Variants in UNC79 observed in about 807,000 individuals in gnomAD.
The protein encoded by UNC79 is unc-79 subunit of NALCN channel complex, also known as protein unc-79 homolog.
UNC79 carries 37 observed loss-of-function variants against 283.1 expected under a neutral mutation model. The ratio of observed to expected loss-of-function variants is 0.13; its 90% CI spans 0.10 to 0.17. UNC79 has a LOEUF of 0.17. Among genes scored for constraint, UNC79 ranks in the 10% least tolerant of loss-of-function variants. The probability of loss-of-function intolerance (pLI) is 1.00; values close to 1 mark genes in which losing one functional copy is unlikely to be tolerated. For synonymous variants in UNC79, 1,107 were observed against 1,200.2 expected, an observed-to-expected ratio of 0.92 and a Z score of 1.61; for missense variants, 2,272 against 3,211.1, an observed-to-expected ratio of 0.71 and a Z score of 7.07.
intron 14 of UNC79, among the ~76,000 whole-genome samples, chr14:93,568,657 G>T (rs1379169836): frequency 6.6e-6 from 1 of 151,774 alleles, no homozygotes; most frequent in Non-Finnish European, 1.5e-5. Flanking sequence ...GGTAACAGGA[G>T]CGAAACTCCG....
At chr14:93,548,976 A>G (rs2061738348) in intron 14 of UNC79, among the ~76,000 whole-genome samples, 3 of 152,210 alleles carry the variant, frequency 2.0e-5, no homozygotes, top group Non-Finnish European at 2.9e-5. Context: ...CAATCTCACA[A>G]TTTCTAGATG....
At chr14:93,468,385 CAG>C (rs902125392) in intron 2 of UNC79, among the ~76,000 whole-genome samples, 2 of 152,114 alleles carry the variant, frequency 1.3e-5, no homozygotes, top group African/African-American at 4.8e-5. Flanking sequence ...ATTAAGAAAA[CAG>C]AGCAAAGAAA....
At chr14:93,438,449 TGTCTA>T (rs2056173397) in intron 1 of UNC79, among the ~76,000 whole-genome samples, 1 of 152,180 alleles carries the variant, frequency 6.6e-6, no homozygotes, top group South Asian at 2.1e-4. Flanking sequence ...TTTGATGCCC[TGTCTA>T]GATCTCTAAA....
At chr14:93,633,438 T>C (rs754655) in intron 31 of UNC79, among the ~76,000 whole-genome samples, 103,515 of 152,130 alleles carry the variant, frequency 0.68, 35,456 homozygotes, top group African/African-American at 0.72. Flanking sequence ...GGTGCCATGA[T>C]TGTGAAATGT....
At chr14:93,648,775 G>A (rs905150280) in intron 35 of UNC79, among the ~76,000 whole-genome samples, 1 of 152,196 alleles carries the variant, frequency 6.6e-6, no homozygotes, top group African/African-American at 2.4e-5. Context: ...TATGGAAAGA[G>A]CATGGTAAAA....
intron 27 of UNC79, among the ~76,000 whole-genome samples, chr14:93,615,274 G>A (rs1224021298): frequency 2.0e-5 from 3 of 152,154 alleles, no homozygotes; most frequent in Non-Finnish European, 4.4e-5. Context: ...GATGAGCAAC[G>A]TGAGAGCAAT....
intron 46 of UNC79, 85 bp from the exon 50 acceptor site, chr14:93,694,250 A>G (rs1045116624): frequency 2.0e-5 from 25 of 1,250,004 alleles, no homozygotes; most frequent in Non-Finnish European, 2.2e-5. Flanking sequence ...TGGGCACAGG[A>G]CATCGGTCTT....
At chr14:93,380,803 A>G (rs910690844) in intron 1 of UNC79, among the ~76,000 whole-genome samples, 2 of 147,488 alleles carry the variant, frequency 1.4e-5, no homozygotes, top group African/African-American at 2.7e-5. Flanking sequence ...TGACTCTTAT[A>G]CTCATGTTTT....
chr14:93,443,324 T>G, intron 1 of UNC79, among the ~76,000 whole-genome samples: 1 of 152,132 alleles, frequency 6.6e-6, no homozygotes, highest in Admixed American at 6.5e-5. Flanking sequence ...CAACTCCCAG[T>G]TCCAGGAAGA....
intron 17 of UNC79, among the ~76,000 whole-genome samples, chr14:93,575,606 T>C (rs1005881553): frequency 2.0e-5 from 3 of 152,194 alleles, no homozygotes; most frequent in African/African-American, 7.2e-5. Context: ...TATGATCAAC[T>C]ACTGGTGACT....
At chr14:93,365,337 A>G (rs1157842678) in intron 1 of UNC79, among the ~76,000 whole-genome samples, 2 of 135,980 alleles carry the variant, frequency 1.5e-5, no homozygotes, top group Non-Finnish European at 3.1e-5. Context: ...GTGAGCCGAG[A>G]TTGTGCCACT....
rs527705667 is a variant in UNC79 at position 93,674,946 on chromosome 14, C to T, written c.6741+1491C>T. On this transcript the variant is annotated intron_variant, in intron 41 of 48. Transcript: ENST00000555664. ...CTTGACAGGCCCTTTCCATCCCTTA[C>T]GTGGATTACTGTAACAGCTCTTAGC... 2.0e-3 allele frequency among the ~76,000 whole-genome samples: 312 copies of T among 152,302 alleles called. 4 individuals carry two copies. The highest frequency in any genetic ancestry group is 7.2e-3 in the African/African-American group (299 of 41,556).
In UNC79 at chr14:93,542,656, T is replaced by C; in HGVS notation, c.1715T>C (p.Met572Thr). Residue 572 changes from methionine (M) to threonine (T), a missense_variant, in exon 14 of 49, where the codon ATG becomes ACG. By Grantham distance (81) the Met-to-Thr change is moderately conservative (BLOSUM62 -1). This residue lies in a region of UNC79 where 142 missense variants were observed against 230.7 expected (regional missense o/e 0.62). Transcript: ENST00000555664. ...GTATGTGATGTTCGCTTCGATGTCA[T>C]GGTCATGTGCCTTCTTCCTAAACCC... 2 of 1,614,240 alleles carry C rather than the reference T, an allele frequency of 1.2e-6. No homozygotes were observed. The highest frequency in any genetic ancestry group is 4.5e-5 in the East Asian group (2 of 44,890).
chr14:93,441,327 T>G (rs1429627475), intron 1 of UNC79, among the ~76,000 whole-genome samples: 1 of 152,064 alleles, frequency 6.6e-6, no homozygotes, highest in Non-Finnish European at 1.5e-5. Context: ...TCTCTTTGTT[T>G]TAGATGTGTC....
Position 93,634,519 on chromosome 14 carries a change from A to G in UNC79, c.5717-2697A>G. The G allele has an allele frequency of 6.2e-7, 1 of 1,608,322 alleles. No homozygotes were observed. ...AATCATCTCCTAATTTCCTCCATCT[A>G]GCTCAGTATAGGCAGATGAAAAGGG... On this transcript the variant is annotated intron_variant, in intron 31 of 48. Transcript: ENST00000555664.
rs200034538 is a variant in UNC79 at position 93,529,637 on chromosome 14, TA to T, written c.1093+313del. ...TATCTGTAACAGGTGTTGTCAGTGA[TA>T]AGTTGCTGCACCAGGTCTTACTAAG... On this transcript the variant is annotated intron_variant, in intron 10 of 48. Transcript: ENST00000555664. Among the ~76,000 whole-genome samples the T allele has an allele frequency of 3.0e-3, 450 of 152,286 alleles. 1 individual carries two copies. Among genetic ancestry groups the T allele is most frequent in the African/African-American group, 0.01 (427 of 41,566 alleles).
At chr14:93,479,915 G>T (rs569149040) in intron 4 of UNC79, among the ~76,000 whole-genome samples, 54 of 152,154 alleles carry the variant, frequency 3.5e-4, no homozygotes, top group Non-Finnish European at 6.8e-4. Context: ...GGCGATGGTG[G>T]GATTAATGAG....
chr14:93,574,231 C>T (rs368081063), intron 16 of UNC79, among the ~76,000 whole-genome samples: 18 of 152,278 alleles, frequency 1.2e-4, no homozygotes, highest in African/African-American at 3.4e-4. Flanking sequence ...AACATTTACA[C>T]GTTTTATGAA....
At position 93,467,655 on chromosome 14, in the gene UNC79, T is replaced by TATAAAG; in HGVS notation, c.23-16_23-15insATAAAG. On this transcript the variant is annotated splice_polypyrimidine_tract_variant and intron_variant, in intron 1 of 48. Transcript: ENST00000555664. ...TTTTTTTTTTTTTTTTTTTTTTTTT[T>TATAAAG]TTTGCTTTTATCTAGTTGCTTCCAA... 1 of 1,157,456 alleles carries TATAAAG rather than the reference T, an allele frequency of 8.6e-7. No homozygotes were observed. 71.7% of individuals were successfully genotyped at this position (1,157,456 alleles called of 1,614,324 possible).
Sources: gnomAD v4.1 joint callset for allele counts (sites outside exome capture counted in the v4.1 genomes callset) on GRCh38, gnomAD v4.1.1 for gene constraint, gnomAD v4.1.1 regional missense constraint, MANE v1.5 for transcripts, NCBI Gene and HGNC (gene_info 2026-07-23, HGNC 2026-07-21) for gene names.